Variants in MYOCOS observed in about 807,000 individuals in gnomAD.
MYOCOS encodes myocilin opposite strand protein.
chr1:171,602,907 T>C (rs1012930644), intron 1 of MYOCOS, among the ~76,000 whole-genome samples: 3 of 152,128 alleles, frequency 2.0e-5, no homozygotes, highest in African/African-American at 7.2e-5. Context: ...AAATGCCTGG[T>C]TGAAATAGAT....
At chr1:171,603,567 A>C (rs1417648408) in intron 1 of MYOCOS, among the ~76,000 whole-genome samples, 1 of 152,258 alleles carries the variant, frequency 6.6e-6, no homozygotes, top group Non-Finnish European at 1.5e-5. Flanking sequence ...ACAGTCAATA[A>C]AAATGTAAAT....
upstream of MYOCOS, among the ~76,000 whole-genome samples, chr1:171,620,504 A>G (rs1239328578): frequency 6.6e-6 from 1 of 152,126 alleles, no homozygotes; most frequent in Non-Finnish European, 1.5e-5. Flanking sequence ...CCAATCCTAA[A>G]GAGATTAACT....
At chr1:171,605,373 C>CACACACA (rs1652222234) in intron 1 of MYOCOS, among the ~76,000 whole-genome samples, 19 of 139,226 alleles carry the variant, frequency 1.4e-4, no homozygotes, top group Non-Finnish European at 2.8e-4. Context: ...ATTAATAGTA[C>CACACACA]CACACACACA....
chr1:171,603,290 G>A lies in MYOCOS; in HGVS notation c.-252+2210G>A, dbSNP rs1271920893. On this transcript the variant is annotated intron_variant, in intron 1 of 3. Coordinates refer to the MYOCOS transcript ENST00000636697. ...GTTCCTCCCCGAGCAAATGTGTGGT[G>A]GTATTCTGGTGGACCTTTACTGGGC... Among the ~76,000 whole-genome samples the A allele has an allele frequency of 3.3e-5, 5 of 152,294 alleles. No individual in the cohort carries two copies. In the East Asian group the frequency reaches 9.6e-4, roughly 29 times the overall value.
intron 1 of MYOCOS, among the ~76,000 whole-genome samples, chr1:171,609,521 C>A (rs1380166176): frequency 5.9e-5 from 9 of 152,184 alleles, no homozygotes; most frequent in Admixed American, 3.9e-4. Context: ...AAACACAAAT[C>A]CCCCAAGTGG....
intron 2 of MYOCOS, among the ~76,000 whole-genome samples, chr1:171,624,588 C>T: frequency 6.6e-6 from 1 of 152,034 alleles, no homozygotes; most frequent in East Asian, 1.9e-4. Context: ...AGGCGCCCGC[C>T]ACGACGCCCG....
At chr1:171,619,540 A>T (rs781183961), upstream of MYOCOS, among the ~76,000 whole-genome samples, 3 of 152,186 alleles carry the variant, frequency 2.0e-5, no homozygotes, top group Non-Finnish European at 4.4e-5. Context: ...ACAAACACAC[A>T]CAAAACAGAT....
intron 1 of MYOCOS, among the ~76,000 whole-genome samples, chr1:171,605,085 A>T (rs922087746): frequency 6.8e-5 from 10 of 147,990 alleles, no homozygotes; most frequent in African/African-American, 9.9e-5. Flanking sequence ...GAAAAACTAA[A>T]TTTTTTTTTT....
At chr1:171,615,444 G>A (rs1051332122) in intron 2 of MYOCOS, among the ~76,000 whole-genome samples, 20 of 152,138 alleles carry the variant, frequency 1.3e-4, no homozygotes, top group African/African-American at 4.6e-4. Flanking sequence ...AGGGAAGAGA[G>A]AGTCCCTCTC....
intron 1 of MYOCOS, among the ~76,000 whole-genome samples, chr1:171,613,810 G>C (rs631259): frequency 0.24 from 36,253 of 152,040 alleles, 5,353 homozygotes; most frequent in African/African-American, 0.42. Flanking sequence ...GCTAGGATTA[G>C]AGGTGTGAGC....
upstream of MYOCOS, among the ~76,000 whole-genome samples, chr1:171,621,000 C>T (rs915463487): frequency 6.6e-6 from 1 of 151,996 alleles, no homozygotes; most frequent in African/African-American, 2.4e-5. Flanking sequence ...GATCTCCTGA[C>T]CTCGTGATCT....
rs1173750092 is a variant in MYOCOS at position 171,626,806 on chromosome 1, A to G, written c.*205A>G. 4 of 382,894 alleles carry G rather than the reference A, an allele frequency of 1.0e-5. No homozygotes were observed. Among genetic ancestry groups the G allele is most frequent in the Admixed American group, 4.5e-5 (1 of 22,304 alleles). 23.7% of individuals were successfully genotyped at this position (382,894 alleles called of 1,614,324 possible). ...TTTTAATCCAAGTCTCTGATATGAT[A>G]TGCATATATTTTGATCTTTATGTTA... On this transcript the variant is annotated 3_prime_UTR_variant, in exon 3 of 3. Coordinates refer to ENST00000637642, the MANE Select transcript of MYOCOS (RefSeq NM_001391940.1).
chr1:171,618,616 C>T (rs944945974), upstream of MYOCOS, among the ~76,000 whole-genome samples: 1 of 152,112 alleles, frequency 6.6e-6, no homozygotes, highest in Non-Finnish European at 1.5e-5. Flanking sequence ...TGCTCTGTCA[C>T]CCAGGCTGGA....
intron 2 of MYOCOS, among the ~76,000 whole-genome samples, chr1:171,624,877 C>T (rs1390210706): frequency 6.6e-6 from 1 of 152,032 alleles, no homozygotes; most frequent in Non-Finnish European, 1.5e-5. Context: ...AGCCACTGTG[C>T]CTGGCCCAAG....
upstream of MYOCOS, among the ~76,000 whole-genome samples, chr1:171,621,849 G>C (rs569191067): frequency 4.1e-4 from 62 of 152,090 alleles, no homozygotes; most frequent in South Asian, 0.012. Context: ...AATTACAATA[G>C]TAATAATACA....
At chr1:171,608,320 CA>C (rs991178515) in intron 1 of MYOCOS, among the ~76,000 whole-genome samples, 1 of 143,572 alleles carries the variant, frequency 7.0e-6, no homozygotes, top group Admixed American at 7.1e-5. Flanking sequence ...GATGCTAATG[CA>C]AAAAAATGCC....
intron 1 of MYOCOS, among the ~76,000 whole-genome samples, chr1:171,603,090 C>A (rs1453402324): frequency 6.6e-6 from 1 of 152,200 alleles, no homozygotes; most frequent in Non-Finnish European, 1.5e-5. Flanking sequence ...TCATGCCAAG[C>A]TCTCTCTGCT....
At chr1:171,619,055 G>T (rs1314637138), upstream of MYOCOS, among the ~76,000 whole-genome samples, 4 of 152,166 alleles carry the variant, frequency 2.6e-5, no homozygotes, top group African/African-American at 9.7e-5. Flanking sequence ...ACATCTTGTA[G>T]TTGGATATTT....
intron 2 of MYOCOS, among the ~76,000 whole-genome samples, 162 bp downstream of exon 2, chr1:171,624,140 T>C (rs1017578596): frequency 6.6e-6 from 1 of 152,194 alleles, no homozygotes; most frequent in Admixed American, 6.5e-5. Flanking sequence ...TTGTCATCCA[T>C]TGTGGAAAAC....
Sources: gnomAD v4.1 joint callset for allele counts (sites outside exome capture counted in the v4.1 genomes callset) on GRCh38, gnomAD v4.1.1 for gene constraint, MANE v1.5 for transcripts, NCBI Gene and HGNC (gene_info 2026-07-23, HGNC 2026-07-21) for gene names.